Variants in PCDHGB3 observed in about 807,000 individuals in gnomAD.
The protein encoded by PCDHGB3 is protocadherin gamma subfamily B, 3, also known as protocadherin gamma-B3.
A neutral mutation model predicts 59.2 loss-of-function variants in PCDHGB3; 40 were observed. That is an observed-to-expected ratio of 0.68 (90% CI 0.52 to 0.88). PCDHGB3 has a LOEUF of 0.88. Ranked by LOEUF, PCDHGB3 falls within the 40% of genes least tolerant of loss-of-function variation. The pLI is 0.00. For missense variants in PCDHGB3, 1,309 were observed against 1,187.9 expected (o/e 1.10, Z -1.50); for synonymous variants, 581 against 503.6 (o/e 1.15, Z -2.06).
chr5:141,459,295 A>C (rs571675117), intron 1 of PCDHGB3, among the ~76,000 whole-genome samples: 2 of 152,368 alleles, frequency 1.3e-5, no homozygotes, highest in South Asian at 4.1e-4. Context: ...ATGGAATCCT[A>C]TAACATATAC....
chr5:141,390,728 G>A (rs550991911), intron 1 of PCDHGB3: 12 of 194,328 alleles, frequency 6.2e-5, no homozygotes, highest in Admixed American at 2.2e-4. Context: ...AATTTAACTG[G>A]TATGGTCTCC....
At chr5:141,505,650 T>C (rs1595974645) in intron 3 of PCDHGB3, among the ~76,000 whole-genome samples, 169 bp downstream of exon 3, 1 of 152,094 alleles carries the variant, frequency 6.6e-6, no homozygotes, top group East Asian at 1.9e-4. Flanking sequence ...GAATTGTGGC[T>C]AAGGAACAGC....
rs1036223789 is a variant in PCDHGB3, at chr5:141,511,298, G to C, written c.*125G>C. 49 of 1,502,412 alleles carry C rather than the reference G, an allele frequency of 3.3e-5. No homozygotes were observed. The African/African-American group carries it at 6.7e-4, about 20-fold the overall frequency. 93.1% of individuals were successfully genotyped at this position (1,502,412 alleles called of 1,614,324 possible). A position where few individuals can be genotyped will look rare whatever the true frequency, so the allele number is the denominator to read the frequency against. The stretch of plus-strand genomic sequence containing the variant: ...GAATACTGGTAGGGGCCAAGGCCAT[G>C]CTCCCCTTGGGAAACAGAAACAAGT... On this transcript the variant is annotated 3_prime_UTR_variant, in exon 4 of 4. Coordinates refer to ENST00000576222, the MANE Select transcript of PCDHGB3 (RefSeq NM_018924.5).
intron 1 of PCDHGB3, chr5:141,398,647 C>T: frequency 6.2e-7 from 1 of 1,614,070 alleles, no homozygotes; most frequent in Non-Finnish European, 8.5e-7. Context: ...TAAACTCTCT[C>T]TTAACCCAAG....
intron 1 of PCDHGB3, among the ~76,000 whole-genome samples, chr5:141,425,864 A>T (rs2096899427): frequency 6.6e-6 from 1 of 152,254 alleles, no homozygotes; most frequent in African/African-American, 2.4e-5. Flanking sequence ...TGTTCTATAG[A>T]TTCCCATCTC....
chr5:141,419,470 G>A (rs2096387963), intron 1 of PCDHGB3: 1 of 1,612,362 alleles, frequency 6.2e-7, no homozygotes, highest in African/African-American at 1.3e-5. Context: ...CCCGCGACCA[G>A]GGCTCGCCCG....
At chr5:141,403,116 A>G (rs1313523426) in intron 1 of PCDHGB3, 6 of 1,614,042 alleles carry the variant, frequency 3.7e-6, no homozygotes, top group Non-Finnish European at 5.1e-6. Flanking sequence ...CTGGCTCTGG[A>G]GCCCCGGGAG....
Position 141,431,529 on chromosome 5 carries a change from T to C in PCDHGB3, c.2415+58720T>C, listed in dbSNP as rs145601545. 166 of 1,614,074 alleles carry C rather than the reference T, an allele frequency of 1.0e-4. No individual in the cohort carries two copies. In the African/African-American group the frequency reaches 2.0e-3, roughly 19 times the overall value. On this transcript the variant is annotated intron_variant, in intron 1 of 3. Coordinates refer to ENST00000576222, the MANE Select transcript of PCDHGB3 (RefSeq NM_018924.5). The surrounding 1 kb of genome is among the most constrained non-coding windows in gnomAD (Gnocchi z 4.8). The stretch of plus-strand genomic sequence containing the variant: ...GCGAGCGTTCCGGAGAATCTGGCCT[T>C]GGGCACGCAGCTGCTTGTAGTCAAC...
intron 1 of PCDHGB3, chr5:141,415,450 C>T (rs774745130): frequency 1.9e-6 from 3 of 1,614,202 alleles, no homozygotes; most frequent in Non-Finnish European, 2.5e-6. Flanking sequence ...GACCTATTCC[C>T]ACGAGGTCTC....
intron 1 of PCDHGB3, chr5:141,418,548 T>C: frequency 6.2e-7 from 1 of 1,613,964 alleles, no homozygotes; most frequent in Non-Finnish European, 8.5e-7. Flanking sequence ...CAGATAAGAA[T>C]CCTGGTAATA....
intron 1 of PCDHGB3, chr5:141,374,155 G>A (rs1165591733): frequency 6.2e-7 from 1 of 1,612,144 alleles, no homozygotes; most frequent in Admixed American, 1.7e-5. Flanking sequence ...GGACGCTGTG[G>A]GGGGCCGCGG....
At chr5:141,501,809 A>G (rs2099811165) in intron 2 of PCDHGB3, among the ~76,000 whole-genome samples, 1 of 152,176 alleles carries the variant, frequency 6.6e-6, no homozygotes, top group African/African-American at 2.4e-5. Flanking sequence ...ACCCAGCTTC[A>G]CATAATTGGC....
intron 1 of PCDHGB3, chr5:141,413,618 A>G (rs1188549125): frequency 6.2e-7 from 1 of 1,613,916 alleles, no homozygotes; most frequent in Non-Finnish European, 8.5e-7. Context: ...AAAATTAATG[A>G]AAATGTCGCT....
rs145569377 is a variant in PCDHGB3 at position 141,455,860 on chromosome 5, ATTATTTATTTATTTAT to A, written c.2416-38908_2416-38893del. Among the ~76,000 whole-genome samples, 551 of 139,848 alleles carry A rather than the reference ATTATTTATTTATTTAT, an allele frequency of 3.9e-3. 2 individuals carry two copies. The highest frequency in any genetic ancestry group is 9.7e-3 in the South Asian group (42 of 4,344). The allele number at this position is 139,848 out of a possible 152,430, so 91.7% of individuals were successfully genotyped here. ...CTATCTGCATAAAATAATTTCTTTTATTATTTATTTATTTATTTATTTATTTATTTATTTATTTATT... is the reference window on the plus strand; with the variant it reads ...CTATCTGCATAAAATAATTTCTTTTATTATTTATTTATTTATTTATTTATT... On this transcript the variant is annotated intron_variant, in intron 1 of 3. Transcript: ENST00000576222.
intron 1 of PCDHGB3, among the ~76,000 whole-genome samples, chr5:141,471,076 T>C (rs1463083616): frequency 1.5e-5 from 2 of 136,094 alleles, no homozygotes; most frequent in Non-Finnish European, 3.1e-5. Context: ...TGAGACAGGG[T>C]CTCCCTCTGT....
rs993730534 is a variant in PCDHGB3, at chr5:141,371,379, G to A, written c.985G>A (p.Ala329Thr). Residue 329 changes from alanine to threonine, a missense_variant, in exon 1 of 4, where the codon GCA becomes ACA. Physicochemically the swap from Ala to Thr is moderately conservative, Grantham distance 58. Transcript: ENST00000576222. ...AGCAAAGGATGGTGGACATCACACT[G>A]CATATTGTAAAGTACAGATAGATAT... ...VEAKDGGHHT[A>T]YCKVQIDISD... 6.2e-7 allele frequency: 1 copy of A among 1,613,974 alleles called. No homozygotes were observed. The highest frequency in any genetic ancestry group is 8.5e-7 in the Non-Finnish European group (1 of 1,179,892).
At position 141,489,094 on chromosome 5, in the gene PCDHGB3, G is replaced by GAAA. The variant is rs2154581134; in HGVS notation, c.2416-5711_2416-5710insAAA. On this transcript the variant is annotated intron_variant, in intron 1 of 3. Coordinates refer to ENST00000576222, the MANE Select transcript of PCDHGB3 (RefSeq NM_018924.5). The surrounding 1 kb of genome is among the most constrained non-coding windows in gnomAD (Gnocchi z 4.5). ...CCCACCCCCGCCACTCGGTGACTAA[G>GAAA]AACTGCTGCAAGCAGGCAAACCTCC... The GAAA allele has an allele frequency of 5.1e-6, 2 of 396,028 alleles. No homozygotes were observed. Among genetic ancestry groups the GAAA allele is most frequent in the South Asian group, 4.8e-5 (1 of 20,814 alleles). The allele number at this position is 396,028 out of a possible 1,614,324, so 24.5% of individuals were successfully genotyped here.
chr5:141,435,890 A>G (rs2097784923), intron 1 of PCDHGB3, among the ~76,000 whole-genome samples: 1 of 152,176 alleles, frequency 6.6e-6, no homozygotes, highest in Non-Finnish European at 1.5e-5. Context: ...AACCCCTTAG[A>G]GAATGAAAGA....
chr5:141,419,259 C>G, intron 1 of PCDHGB3: 4 of 1,614,016 alleles, frequency 2.5e-6, no homozygotes, highest in Non-Finnish European at 2.5e-6. Context: ...AACAACCAGC[C>G]GGGTGCCTCC....
Sources: gnomAD v4.1 joint callset for allele counts (sites outside exome capture counted in the v4.1 genomes callset) on GRCh38, gnomAD v4.1.1 for gene constraint, Gnocchi (gnomAD v3.1) non-coding constraint, MANE v1.5 for transcripts, NCBI Gene and HGNC (gene_info 2026-07-23, HGNC 2026-07-21) for gene names.